The following PDE4B variants were observed in gnomAD, a reference collection of about 807,000 sequenced individuals.
PDE4B encodes phosphodiesterase 4B.
In PDE4B, 20 loss-of-function variants were observed where a neutral mutation model predicts 82.2. The observed-to-expected ratio is 0.24, with a 90% confidence interval of 0.17 to 0.35. PDE4B has a LOEUF of 0.35. Among genes scored for constraint, PDE4B ranks in the 10% least tolerant of loss-of-function variants. PDE4B has a pLI of 1.00. For missense variants in PDE4B, 655 were observed against 907.2 expected (o/e 0.72, Z 3.57); for synonymous variants, 320 against 318.9 (o/e 1.00, Z -0.04).
In PDE4B at chr1:66,332,639, A is replaced by G; in HGVS notation, c.747+19A>G. 6.2e-7 allele frequency: 1 copy of G among 1,610,340 alleles called. No individual in the cohort carries two copies. The highest frequency in any genetic ancestry group is 8.5e-7 in the Non-Finnish European group (1 of 1,177,454). ...TAACAAGGTAAGAGATGATCTTTTT[A>G]TTCATTAAAGTGTGATCATGCAGGG... On this transcript the variant is annotated intron_variant, in intron 8 of 16. Transcript: ENST00000341517.
At chr1:66,020,498 A>G (rs1048209268) in intron 3 of PDE4B, among the ~76,000 whole-genome samples, 1 of 147,546 alleles carries the variant, frequency 6.8e-6, no homozygotes, top group African/African-American at 2.5e-5. Flanking sequence ...CTGGTGTGTG[A>G]TGTTCCCCAA....
At chr1:66,220,882 C>G (rs1398556839) in intron 3 of PDE4B, among the ~76,000 whole-genome samples, 3 of 152,146 alleles carry the variant, frequency 2.0e-5, no homozygotes, top group African/African-American at 7.2e-5. Flanking sequence ...TTTATTTGTC[C>G]AATCAAGACT....
chr1:65,954,799 G>T (rs572049219), intron 3 of PDE4B, among the ~76,000 whole-genome samples: 2 of 151,920 alleles, frequency 1.3e-5, no homozygotes, highest in African/African-American at 2.4e-5. Flanking sequence ...GAATTCCTTT[G>T]TGTTCATATA....
chr1:66,061,158 A>C (rs1371548045), intron 3 of PDE4B, among the ~76,000 whole-genome samples: 2 of 151,044 alleles, frequency 1.3e-5, no homozygotes, highest in Non-Finnish European at 1.5e-5. Context: ...AGAAACATGA[A>C]CTCAGGAGGA....
At chr1:66,198,762 C>G (rs573292339) in intron 3 of PDE4B, among the ~76,000 whole-genome samples, 31 of 149,886 alleles carry the variant, frequency 2.1e-4, no homozygotes, top group Non-Finnish European at 3.9e-4. Flanking sequence ...CCTCCCCCTT[C>G]CCCCCACCCC....
intron 16 of PDE4B, among the ~76,000 whole-genome samples, chr1:66,371,638 G>A (rs906760296): frequency 3.3e-5 from 5 of 152,106 alleles, no homozygotes; most frequent in Non-Finnish European, 5.9e-5. Flanking sequence ...GATGTCCACC[G>A]AGGGGATATG....
At position 66,290,074 on chromosome 1, in the gene PDE4B, C is replaced by T. The variant is rs528420467; in HGVS notation, c.634+23987C>T. 7.2e-5 allele frequency among the ~76,000 whole-genome samples: 11 copies of T among 152,234 alleles called. No individual in the cohort carries two copies. In the East Asian group the frequency reaches 1.5e-3, roughly 21 times the overall value. ...CATTGAAAGGTGGATTGAGGAAAAA[C>T]TCAGGAGTTTGGTTTTAGATGTTAA... On this transcript the variant is annotated intron_variant, in intron 7 of 16. Coordinates refer to ENST00000341517, the MANE Select transcript of PDE4B (RefSeq NM_002600.4).
chr1:66,010,849 A>T (rs1455071076), intron 3 of PDE4B, among the ~76,000 whole-genome samples: 1 of 149,922 alleles, frequency 6.7e-6, no homozygotes, highest in Non-Finnish European at 1.5e-5. Context: ...AAAGATGATT[A>T]ATCTTCGTGG....
chr1:66,055,839 G>T (rs1368935548), intron 3 of PDE4B, among the ~76,000 whole-genome samples: 3 of 152,130 alleles, frequency 2.0e-5, no homozygotes, highest in African/African-American at 7.2e-5. Flanking sequence ...ATGTTGATAT[G>T]TTAGATGTTA....
At chr1:65,837,028 A>G (rs1646147729) in intron 1 of PDE4B, among the ~76,000 whole-genome samples, 1 of 152,004 alleles carries the variant, frequency 6.6e-6, no homozygotes, top group African/African-American at 2.4e-5. Context: ...CATAATATAA[A>G]CAGATCAACT....
chr1:65,798,752 G>A (rs556905106), intron 1 of PDE4B, among the ~76,000 whole-genome samples: 1 of 152,224 alleles, frequency 6.6e-6, no homozygotes, highest in Non-Finnish European at 1.5e-5. Context: ...ATATCTGTTA[G>A]GTGTGGAGAC....
At chr1:66,268,322 G>T (rs1423871873) in intron 7 of PDE4B, among the ~76,000 whole-genome samples, 2 of 152,210 alleles carry the variant, frequency 1.3e-5, no homozygotes, top group Non-Finnish European at 2.9e-5. Context: ...TTTACAAATT[G>T]ATTATTAACT....
chr1:65,892,838 A>T (rs1286198309), intron 1 of PDE4B, among the ~76,000 whole-genome samples: 1 of 152,066 alleles, frequency 6.6e-6, no homozygotes, highest in African/African-American at 2.4e-5. Context: ...TTCTACAGAG[A>T]TAAATTCCAT....
intron 3 of PDE4B, among the ~76,000 whole-genome samples, chr1:65,974,496 G>A (rs1338146797): frequency 6.6e-6 from 1 of 152,134 alleles, no homozygotes; most frequent in Non-Finnish European, 1.5e-5. Context: ...CTGGGTCATG[G>A]CAGACATTAC....
At chr1:65,979,979 T>C (rs1650601780) in intron 3 of PDE4B, among the ~76,000 whole-genome samples, 1 of 152,094 alleles carries the variant, frequency 6.6e-6, no homozygotes, top group African/African-American at 2.4e-5. Flanking sequence ...AGGGACAGAC[T>C]TTCTGAGGAG....
chr1:66,228,170 A>C (rs1651608619), intron 3 of PDE4B, among the ~76,000 whole-genome samples: 1 of 152,136 alleles, frequency 6.6e-6, no homozygotes, highest in Non-Finnish European at 1.5e-5. Flanking sequence ...TGTTAACCTG[A>C]CCACCTGTTC....
intron 3 of PDE4B, among the ~76,000 whole-genome samples, chr1:65,954,644 T>C (rs7519825): frequency 6.6e-6 from 1 of 152,028 alleles, no homozygotes; most frequent in South Asian, 2.1e-4. Flanking sequence ...GTTTCTTTTT[T>C]CCCCCAATCT....
chr1:65,816,347 A>G (rs929530600), intron 1 of PDE4B, among the ~76,000 whole-genome samples: 3 of 152,144 alleles, frequency 2.0e-5, no homozygotes, highest in Admixed American at 6.6e-5. Context: ...TAGTAACCAA[A>G]TAAGTGCAAC....
At chr1:66,054,702 A>G (rs1255635426) in intron 3 of PDE4B, among the ~76,000 whole-genome samples, 3 of 152,122 alleles carry the variant, frequency 2.0e-5, no homozygotes, top group Non-Finnish European at 4.4e-5. Context: ...CTCCTGAATG[A>G]TATCTTTCTC....
Sources: allele counts gnomAD v4.1 joint callset (sites outside exome capture counted in the v4.1 genomes callset), GRCh38; gene constraint gnomAD v4.1.1; transcripts MANE v1.5; gene names NCBI Gene and HGNC (gene_info 2026-07-23, HGNC 2026-07-21).